TUB: variants seen among roughly 807,000 people sequenced by gnomAD.
TUB encodes the protein tubby protein homolog.
Under a neutral mutation model 59.7 loss-of-function variants are expected in TUB, and 33 were observed. That is an observed-to-expected ratio of 0.55 (90% CI 0.42 to 0.74). TUB has a LOEUF of 0.74. Ranked by LOEUF, TUB falls within the 30% of genes least tolerant of loss-of-function variation. TUB has a pLI of 0.00. For missense variants in TUB, 659 were observed against 672.0 expected (o/e 0.98, Z 0.21); for synonymous variants, 293 against 256.4 (o/e 1.14, Z -1.36).
chr11:8,100,208 A>G (rs1944208284), intron 9 of TUB, among the ~76,000 whole-genome samples: 1 of 152,182 alleles, frequency 6.6e-6, no homozygotes, highest in African/African-American at 2.4e-5. Flanking sequence ...CTGCTGATGG[A>G]TTAGACGTAG....
chr11:8,105,026 G>C lies in TUB; in HGVS notation c.*3407G>C, dbSNP rs1944487311. 6.6e-6 allele frequency: 1 copy of C among 150,948 alleles called. No homozygotes were observed. Among genetic ancestry groups the C allele is most frequent in the African/African-American group, 2.5e-5 (1 of 40,728 alleles). The allele number at this position is 150,948 out of a possible 1,614,324, so 9.4% of individuals were successfully genotyped here. On this transcript the variant is annotated 3_prime_UTR_variant, in exon 12 of 12. Coordinates refer to ENST00000299506, the MANE Select transcript of TUB (RefSeq NM_177972.3). ...GTAATTCTAAATTTAACAAGTGACA[G>C]GGTTGGTTTCAAAGAAAAAGGTCCA...
At chr11:8,058,220 TAAA>T (rs59581554) in intron 2 of TUB, among the ~76,000 whole-genome samples, 35 of 139,824 alleles carry the variant, frequency 2.5e-4, no homozygotes, top group African/African-American at 7.1e-4. Flanking sequence ...TCTCAAAAAT[TAAA>T]AAAAAAAAAA....
rs1944495462 is a variant in TUB at position 8,105,138 on chromosome 11, T to TC, written c.*3521dup. ...CTGTTATGCAAGCACAAATTTCATC[T>TC]CCTAGATGGACTTCCTGGTTTTCTC... On this transcript the variant is annotated 3_prime_UTR_variant, in exon 12 of 12. Transcript: ENST00000299506. The TC allele has an allele frequency of 6.6e-6, 1 of 152,220 alleles. No individual in the cohort carries two copies. 9.4% of individuals were successfully genotyped at this position (152,220 alleles called of 1,614,324 possible).
At position 8,101,607 on chromosome 11, in the gene TUB, G is replaced by A; in HGVS notation, c.1509G>A (p.Leu503=). 10 of 1,614,226 alleles carry A rather than the reference G, an allele frequency of 6.2e-6. No individual in the cohort carries two copies. Among genetic ancestry groups the A allele is most frequent in the Non-Finnish European group, 8.5e-6 (10 of 1,180,040 alleles). ...AIALSSFDSK[L]ACE Reference sequence around the variant, plus strand: ...CCCTGTCCAGCTTCGACAGCAAGCTGGCGTGCGAGTAGAGGCCTCTTCGTG... The same window carrying A: ...CCCTGTCCAGCTTCGACAGCAAGCTAGCGTGCGAGTAGAGGCCTCTTCGTG... Residue 503 remains leucine (L), a synonymous_variant, in exon 12 of 12, where the codon CTG becomes CTA. Transcript: ENST00000299506.
At chr11:8,039,686 T>C (rs994580879) in exon 2 of TUB, 3 of 1,533,986 alleles carry the variant, frequency 2.0e-6, no homozygotes, top group Non-Finnish European at 2.6e-6. Flanking sequence ...GGAAGGGAGA[T>C]CGCTCGGTGA....
chr11:8,096,437 T>C (rs911740384), intron 5 of TUB, among the ~76,000 whole-genome samples: 3 of 152,134 alleles, frequency 2.0e-5, no homozygotes, highest in Admixed American at 2.0e-4. Context: ...GGTGGGGATA[T>C]ATCCTGAGGA....
chr11:8,094,391 G>A (rs942932025), intron 4 of TUB, among the ~76,000 whole-genome samples: 4 of 152,118 alleles, frequency 2.6e-5, no homozygotes, highest in African/African-American at 4.8e-5. Context: ...CTGGGTGTGG[G>A]CATGCCTACC....
intron 2 of TUB, among the ~76,000 whole-genome samples, chr11:8,066,556 A>C (rs1206038020): frequency 6.6e-6 from 1 of 152,130 alleles, no homozygotes; most frequent in Non-Finnish European, 1.5e-5. Context: ...CTGGAGAGAG[A>C]GAGGCTGAAG....
rs765374020 is a variant in TUB at position 8,094,088 on chromosome 11, C to T, written c.296C>T (p.Thr99Met). The T allele has an allele frequency of 1.3e-5, 21 of 1,614,186 alleles. No homozygotes were observed. Among genetic ancestry groups the T allele is most frequent in the Non-Finnish European group, 1.7e-5 (20 of 1,180,040 alleles). Residue 99 changes from threonine (T) to methionine (M), a missense_variant, in exon 4 of 12, where the codon ACG becomes ATG. This residue lies in a region of TUB where 321 missense variants were observed against 304.3 expected (regional missense o/e 1.05). Transcript: ENST00000299506. ...DSLASVQLGA[T>M]RPTAPASAKR... Reference sequence around the variant, plus strand: ...CTCGCCAGTGTGCAGCTGGGAGCCACGCGCCCAACAGCACCAGCTTCAGCC... The same window carrying T: ...CTCGCCAGTGTGCAGCTGGGAGCCATGCGCCCAACAGCACCAGCTTCAGCC...
Position 8,103,502 on chromosome 11 carries a change from T to G in TUB, c.*1883T>G, listed in dbSNP as rs911955118. The G allele has an allele frequency of 6.6e-6, 1 of 152,660 alleles. No individual in the cohort carries two copies. The highest frequency in any genetic ancestry group is 2.4e-5 in the African/African-American group (1 of 41,464). 9.5% of individuals were successfully genotyped at this position (152,660 alleles called of 1,614,324 possible). On this transcript the variant is annotated 3_prime_UTR_variant, in exon 12 of 12. Coordinates refer to ENST00000299506, the MANE Select transcript of TUB (RefSeq NM_177972.3). ...CATTTCTTTGTAATCTAGATTTTCC[T>G]ATGTTGAATGCTTAAAGCAAGGCAT... is the stretch of plus-strand genomic sequence containing the variant.
At position 8,102,561 on chromosome 11, in the gene TUB, A is replaced by G. The variant is rs1283199995; in HGVS notation, c.*942A>G. 6.6e-6 allele frequency: 1 copy of G among 152,162 alleles called. No individual in the cohort carries two copies. Among genetic ancestry groups the G allele is most frequent in the Admixed American group, 6.5e-5 (1 of 15,280 alleles). 9.4% of individuals were successfully genotyped at this position (152,162 alleles called of 1,614,324 possible). ...ATGCCTGGGAATCCTGCTGCCAGAG[A>G]ACCATTCCCAAGCCATGGCATGCTC... On this transcript the variant is annotated 3_prime_UTR_variant, in exon 12 of 12. Coordinates refer to ENST00000299506, the MANE Select transcript of TUB (RefSeq NM_177972.3).
chr11:8,094,304 G>A, intron 4 of TUB, 115 bp downstream of exon 4: 1 of 1,337,058 alleles, frequency 7.5e-7, no homozygotes. Flanking sequence ...CCTCAGGGAA[G>A]ACACAGACTG....
intron 2 of TUB, among the ~76,000 whole-genome samples, chr11:8,065,644 A>C (rs1233190252): frequency 2.0e-5 from 3 of 152,148 alleles, no homozygotes; most frequent in Non-Finnish European, 4.4e-5. Context: ...GTGGGCCCAA[A>C]TAGGCCTCCA....
intron 2 of TUB, among the ~76,000 whole-genome samples, chr11:8,066,575 G>T (rs1346292917): frequency 6.6e-6 from 1 of 152,178 alleles, no homozygotes; most frequent in Non-Finnish European, 1.5e-5. Flanking sequence ...AGCTGCCTCA[G>T]ACTTCCCTGG....
At position 8,039,452 on chromosome 11, in the gene TUB, A is replaced by G. The variant is rs1243338136; in HGVS notation, c.156-193A>G. ...TGGACTGCCTGCCTGCCTGCCTGCC[A>G]TCCGGGGCCCACAGAGTGAGCACTC... On this transcript the variant is annotated intron_variant, in intron 1 of 12. Coordinates refer to the TUB transcript ENST00000305253. The G allele has an allele frequency of 3.7e-5, 15 of 402,062 alleles. No individual in the cohort carries two copies. The East Asian group carries it at 6.7e-4, about 18-fold the overall frequency. The allele number at this position is 402,062 out of a possible 1,614,324, so 24.9% of individuals were successfully genotyped here.
intron 5 of TUB, 95 bp from the exon 6 acceptor site, chr11:8,096,590 A>C: frequency 1.2e-6 from 1 of 817,706 alleles, no homozygotes; most frequent in Non-Finnish European, 2.1e-6. Flanking sequence ...GGTACAGGTG[A>C]GTCAGTGTCT....
chr11:8,078,344 G>T (rs182871247), upstream of TUB, among the ~76,000 whole-genome samples: 78 of 152,272 alleles, frequency 5.1e-4, no homozygotes, highest in African/African-American at 1.8e-3. Flanking sequence ...GGCATGTTGG[G>T]ATTGCTGTGT....
At chr11:8,050,355 G>A (rs1327551219) in intron 2 of TUB, among the ~76,000 whole-genome samples, 1 of 152,210 alleles carries the variant, frequency 6.6e-6, no homozygotes, top group Non-Finnish European at 1.5e-5. Flanking sequence ...ACCTAGGAGT[G>A]GAACTGCTGA....
Position 8,105,969 on chromosome 11 carries a change from T to G in TUB, c.*4350T>G, listed in dbSNP as rs1043859039. The G allele has an allele frequency of 1.3e-5, 2 of 152,124 alleles. No homozygotes were observed. Among genetic ancestry groups the G allele is most frequent in the African/African-American group, 4.8e-5 (2 of 41,460 alleles). 9.4% of individuals were successfully genotyped at this position (152,124 alleles called of 1,614,324 possible). Reference sequence around the variant, plus strand: ...GTTTTCACAATGCCTAGACTGTGTATGTCTATTTGCACAAGATTGTCTTTT... The same window carrying G: ...GTTTTCACAATGCCTAGACTGTGTAGGTCTATTTGCACAAGATTGTCTTTT... On this transcript the variant is annotated 3_prime_UTR_variant, in exon 12 of 12. Transcript: ENST00000299506.
Sources: allele counts gnomAD v4.1 joint callset (sites outside exome capture counted in the v4.1 genomes callset), GRCh38; gene constraint gnomAD v4.1.1; regional missense constraint gnomAD v4.1.1; transcripts MANE v1.5; gene names NCBI Gene and HGNC (gene_info 2026-07-23, HGNC 2026-07-21).